CFAP58: variants seen among roughly 807,000 people sequenced by gnomAD.
CFAP58 encodes cilia and flagella associated protein 58.
A neutral mutation model predicts 119.5 loss-of-function variants in CFAP58; 88 were observed. The ratio of observed to expected loss-of-function variants is 0.74; its 90% CI spans 0.62 to 0.88. The LOEUF (loss-of-function observed/expected upper bound fraction) is 0.88, where lower values mean the gene tolerates loss of function less well. CFAP58 is among the 40% of genes least tolerant of loss of function. CFAP58 has a pLI of 0.00. For missense variants in CFAP58, 990 were observed against 1,021.2 expected, an observed-to-expected ratio of 0.97 and a Z score of 0.42; for synonymous variants, 365 against 366.3, an observed-to-expected ratio of 1.00 and a Z score of 0.04.
chr10:104,424,440 C>A (rs955480969), intron 15 of CFAP58, among the ~76,000 whole-genome samples: 2 of 152,140 alleles, frequency 1.3e-5, no homozygotes, highest in Admixed American at 1.3e-4. Flanking sequence ...GAACTGCCTT[C>A]CCCTAAATTA....
At chr10:104,376,680 A>G (rs1006221883) in intron 7 of CFAP58, 131 bp from the exon 8 acceptor site, 2 of 636,718 alleles carry the variant, frequency 3.1e-6, no homozygotes, top group African/African-American at 3.7e-5. Flanking sequence ...CAAAGGTCAC[A>G]TACACTTGGT....
upstream of CFAP58, chr10:104,353,760 C>A (rs552169961): frequency 8.5e-5 from 83 of 980,848 alleles, no homozygotes; most frequent in African/African-American, 1.3e-3. Flanking sequence ...GGCGACGGGC[C>A]GACGCGCCGA....
chr10:104,355,127 C>T (rs751348524), intron 1 of CFAP58, among the ~76,000 whole-genome samples: 5 of 152,194 alleles, frequency 3.3e-5, no homozygotes, highest in African/African-American at 4.8e-5. Flanking sequence ...GTGGCCACTT[C>T]ACTTCTCCCC....
chr10:104,366,064 T>C (rs2014743645), intron 5 of CFAP58, 56 bp downstream of exon 5: 1 of 1,396,702 alleles, frequency 7.2e-7, no homozygotes, highest in Non-Finnish European at 9.5e-7. Context: ...ATGGCACCTT[T>C]ATTCACCCTT....
chr10:104,376,502 C>CAAA (rs1282859666), intron 7 of CFAP58, among the ~76,000 whole-genome samples: 3 of 48,228 alleles, frequency 6.2e-5, no homozygotes, highest in African/African-American at 1.3e-4. Flanking sequence ...AACTCCGTCT[C>CAAA]AAAAAAAAAA....
rs2012366556 is a variant in CFAP58 at position 104,406,696 on chromosome 10, A to T, written c.2159A>T (p.Asp720Val). 1 of 1,614,038 alleles carries T rather than the reference A, an allele frequency of 6.2e-7. No individual in the cohort carries two copies. The highest frequency in any genetic ancestry group is 8.5e-7 in the Non-Finnish European group (1 of 1,179,960). ...GTTGTTCCCCTTGGACAGGCCAGCG[A>T]CCCCAATGCATATGAGCTGATACAG... ...VHRWRKLEAS[D>V]PNAYELIQKI... Residue 720 changes from aspartate (D) to valine (V), a missense_variant, in exon 15 of 18, where the codon GAC (aspartate) becomes GTC (valine). Transcript: ENST00000369704.
chr10:104,357,887 A>G lies in CFAP58; in HGVS notation c.10-454A>G, dbSNP rs989274401. ...TATATACACATATATGTACACATAT[A>G]TAAACATATATGTACACATATACAC... On this transcript the variant is annotated intron_variant, in intron 1 of 17. Transcript: ENST00000369704. Among the ~76,000 whole-genome samples the G allele has an allele frequency of 1.0e-3, 127 of 123,510 alleles. 6 individuals carry two copies. The highest frequency in any genetic ancestry group is 3.4e-3 in the African/African-American group (88 of 26,036). The allele number at this position is 123,510 out of a possible 152,430, so 81.0% of individuals were successfully genotyped here.
intron 15 of CFAP58, among the ~76,000 whole-genome samples, chr10:104,434,275 G>A (rs1046994998): frequency 6.6e-6 from 1 of 152,092 alleles, no homozygotes; most frequent in African/African-American, 2.4e-5. Flanking sequence ...TAATCCCCAG[G>A]GGATTGTTTA....
rs769279642 is a variant in CFAP58 at position 104,406,694 on chromosome 10, C to T, written c.2157C>T (p.Ser719=). ...NVHRWRKLEA[S]DPNAYELIQK... is the part of the protein sequence containing the mutation. ...TTGTTGTTCCCCTTGGACAGGCCAGCGACCCCAATGCATATGAGCTGATAC... is the reference window on the plus strand; with the variant it reads ...TTGTTGTTCCCCTTGGACAGGCCAGTGACCCCAATGCATATGAGCTGATAC... The change falls in exon 15 of 18, where the codon AGC becomes AGT. Residue 719 remains serine, a synonymous_variant. Transcript: ENST00000369704. 1.1e-5 allele frequency: 17 copies of T among 1,613,780 alleles called. No homozygotes were observed. Among genetic ancestry groups the T allele is most frequent in the Middle Eastern group, 3.3e-4 (2 of 6,084 alleles).
intron 15 of CFAP58, among the ~76,000 whole-genome samples, chr10:104,432,754 G>A (rs1248933712): frequency 6.6e-6 from 1 of 152,158 alleles, no homozygotes; most frequent in East Asian, 1.9e-4. Context: ...GCCTGCCTTG[G>A]CCTCCAAAAC....
chr10:104,352,718 T>C (rs2014475966), upstream of CFAP58, among the ~76,000 whole-genome samples: 1 of 152,204 alleles, frequency 6.6e-6, no homozygotes, highest in African/African-American at 2.4e-5. Flanking sequence ...CTTGATGTAT[T>C]GGAGAATTAG....
intron 2 of CFAP58, among the ~76,000 whole-genome samples, 188 bp from the exon 3 acceptor site, chr10:104,361,835 A>C (rs12265967): frequency 0.02 from 3,099 of 152,268 alleles, 100 homozygotes; most frequent in African/African-American, 0.069. Flanking sequence ...ATAGGCCTGT[A>C]CCACCACGTC....
chr10:104,453,519 C>T (rs1564909442), intron 17 of CFAP58, among the ~76,000 whole-genome samples: 1 of 152,198 alleles, frequency 6.6e-6, no homozygotes, highest in Admixed American at 6.5e-5. Flanking sequence ...GCCACTTCCC[C>T]TGTCTACCCT....
rs1356535907 is a variant in CFAP58 at position 104,358,560 on chromosome 10, A to G, written c.229A>G (p.Lys77Glu). 6.2e-6 allele frequency: 10 copies of G among 1,614,146 alleles called. No homozygotes were observed. The South Asian group carries it at 9.9e-5, about 16-fold the overall frequency. Residue 77 changes from lysine to glutamate, a missense_variant, in exon 2 of 18, where the codon AAG (lysine) becomes GAG (glutamate). By Grantham distance (56) the Lys-to-Glu change is moderately conservative (BLOSUM62 1). Transcript: ENST00000369704. ...LNAEIVVNSA[K>E]VATALKLSQD... Reference sequence around the variant, plus strand: ...TGCAGAGATTGTAGTGAATTCTGCGAAGGTCGCCACTGCCCTTAAGCTCTC... The same window carrying G: ...TGCAGAGATTGTAGTGAATTCTGCGGAGGTCGCCACTGCCCTTAAGCTCTC...
intron 9 of CFAP58, among the ~76,000 whole-genome samples, chr10:104,389,046 G>A (rs1056081163): frequency 5.3e-5 from 8 of 152,130 alleles, no homozygotes; most frequent in African/African-American, 1.9e-4. Flanking sequence ...CTGTGTCTCT[G>A]ACATACCACT....
At chr10:104,434,367 C>T (rs1166712723) in intron 15 of CFAP58, among the ~76,000 whole-genome samples, 1 of 152,126 alleles carries the variant, frequency 6.6e-6, no homozygotes, top group East Asian at 1.9e-4. Flanking sequence ...TGAGAGGAAG[C>T]TGAGAATTCA....
At position 104,357,537 on chromosome 10, in the gene CFAP58, C is replaced by T. The variant is rs146217314; in HGVS notation, c.10-804C>T. Reference sequence around the variant, plus strand: ...CTTAGGGGCAATAAGAAGCAGGGCCCAGTGAAAAGAGACCAGGGTTTGGAA... The same window carrying T: ...CTTAGGGGCAATAAGAAGCAGGGCCTAGTGAAAAGAGACCAGGGTTTGGAA... On this transcript the variant is annotated intron_variant, in intron 1 of 17. Transcript: ENST00000369704. 7.2e-3 allele frequency among the ~76,000 whole-genome samples: 1,103 copies of T among 152,190 alleles called. 7 individuals are homozygous for T. Among genetic ancestry groups the T allele is most frequent in the African/African-American group, 0.025 (1,046 of 41,524 alleles).
the CFAP58 span, among the ~76,000 whole-genome samples, chr10:104,346,425 G>C: frequency 6.6e-6 from 1 of 151,904 alleles, no homozygotes; most frequent in Admixed American, 6.5e-5. Context: ...ATAGCTCACT[G>C]TAACCTCAAA....
intron 15 of CFAP58, among the ~76,000 whole-genome samples, chr10:104,431,939 C>G (rs1157041050): frequency 6.6e-6 from 1 of 152,066 alleles, no homozygotes; most frequent in Non-Finnish European, 1.5e-5. Flanking sequence ...CATTGTATAT[C>G]TATTCTATAG....
Sources: allele counts gnomAD v4.1 joint callset (sites outside exome capture counted in the v4.1 genomes callset), GRCh38; gene constraint gnomAD v4.1.1; transcripts MANE v1.5; gene names NCBI Gene and HGNC (gene_info 2026-07-23, HGNC 2026-07-21).